The following TRPM8 variants were observed in gnomAD, a reference collection of about 807,000 sequenced individuals.
TRPM8 encodes the protein TRPM8 cationic channel.
In TRPM8, 110 loss-of-function variants were observed where a neutral mutation model predicts 133.7. The ratio of observed to expected loss-of-function variants is 0.82; its 90% CI spans 0.70 to 0.96. The LOEUF (loss-of-function observed/expected upper bound fraction) is 0.96. Ranked by LOEUF, TRPM8 falls within the 40% of genes least tolerant of loss-of-function variation. The pLI is 0.00. For missense variants in TRPM8, 1,291 were observed against 1,379.5 expected, an observed-to-expected ratio of 0.94 and a Z score of 1.02; for synonymous variants, 535 against 532.3, an observed-to-expected ratio of 1.01 and a Z score of -0.07.
At chr2:234,008,282 G>A (rs1692746066) in intron 24 of TRPM8, among the ~76,000 whole-genome samples, 179 bp downstream of exon 24, 1 of 152,202 alleles carries the variant, frequency 6.6e-6, no homozygotes, top group East Asian at 1.9e-4. Flanking sequence ...ATCTCCCAGG[G>A]AAGAGTCTTG....
intron 14 of TRPM8, among the ~76,000 whole-genome samples, chr2:233,965,152 G>T (rs1457686850): frequency 6.6e-6 from 1 of 151,918 alleles, no homozygotes; most frequent in African/African-American, 2.4e-5. Context: ...AGTTTCATAT[G>T]CACACACTGC....
chr2:233,997,500 A>G (rs2125355756), intron 22 of TRPM8, among the ~76,000 whole-genome samples: 2 of 152,186 alleles, frequency 1.3e-5, no homozygotes, highest in South Asian at 4.1e-4. Flanking sequence ...GGGGAGCTGA[A>G]AGCCTTTTCT....
At chr2:233,999,763 C>T (rs1453700195) in intron 22 of TRPM8, among the ~76,000 whole-genome samples, 6 of 152,214 alleles carry the variant, frequency 3.9e-5, no homozygotes, top group Non-Finnish European at 5.9e-5. Context: ...AGCAGTCCCA[C>T]GTTATCTTTG....
rs564860548 is a variant in TRPM8, at chr2:234,001,260, G to A, written c.3130+4744G>A. Among the ~76,000 whole-genome samples the A allele has an allele frequency of 2.0e-5, 3 of 152,284 alleles. No individual in the cohort carries two copies. In the South Asian group the frequency reaches 6.2e-4, roughly 32 times the overall value. ...GACCTGCTTCTGGGGAGAGGGGCAG[G>A]AAAAGTCAGATCAGAGAGACCTTCC... is the stretch of plus-strand genomic sequence containing the variant. On this transcript the variant is annotated intron_variant, in intron 22 of 25. Transcript: ENST00000324695.
At position 233,926,547 on chromosome 2, in the gene TRPM8, C is replaced by T. The variant is rs201572946; in HGVS notation, c.10C>T (p.Arg4Trp). Residue 4 changes from arginine to tryptophan, a missense_variant, in exon 2 of 26, where the codon CGG (arginine) becomes TGG (tryptophan). Arg to Trp is a moderately radical substitution (Grantham distance 101). Transcript: ENST00000324695. MSF[R>W]AARLSMRNRR... ...CATCGTCACAGAAAAGATGTCCTTT[C>T]GGGCAGCCAGGCTCAGCATGAGGAA... 10 of 1,613,920 alleles carry T rather than the reference C, an allele frequency of 6.2e-6. No individual in the cohort carries two copies. Among genetic ancestry groups the T allele is most frequent in the South Asian group, 1.1e-5 (1 of 91,070 alleles).
chr2:233,925,547 C>T (rs957197320), intron 1 of TRPM8, among the ~76,000 whole-genome samples: 1 of 151,986 alleles, frequency 6.6e-6, no homozygotes, highest in Non-Finnish European at 1.5e-5. Flanking sequence ...AAGCCAGGTC[C>T]AGAGAGAGAG....
intron 24 of TRPM8, among the ~76,000 whole-genome samples, chr2:234,009,446 A>G (rs930393501): frequency 2.6e-5 from 4 of 152,172 alleles, no homozygotes; most frequent in African/African-American, 9.7e-5. Flanking sequence ...GGGCAGCAAC[A>G]GTGGATGCAG....
intron 22 of TRPM8, among the ~76,000 whole-genome samples, chr2:234,004,941 C>T (rs1692656477): frequency 6.6e-6 from 1 of 152,176 alleles, no homozygotes; most frequent in African/African-American, 2.4e-5. Context: ...ACATGACAAT[C>T]TTCAATCGTG....
chr2:233,996,586 G>GTA lies in TRPM8; in HGVS notation c.3130+72_3130+73dup, dbSNP rs78461061. Reference sequence around the variant, plus strand: ...AATTTCAGGGAAGGATGCCTGGTGTGTATCTCAACAGGAAGGAATTATTCA... The same window carrying GTA: ...AATTTCAGGGAAGGATGCCTGGTGTGTATATCTCAACAGGAAGGAATTATTCA... On this transcript the variant is annotated intron_variant, in intron 22 of 25. Transcript: ENST00000324695. The GTA allele has an allele frequency of 1.5e-3, 2,046 of 1,367,410 alleles. 10 individuals are homozygous for GTA. The highest frequency in any genetic ancestry group is 1.6e-3 in the Non-Finnish European group (1,591 of 965,026). 84.7% of individuals were successfully genotyped at this position (1,367,410 alleles called of 1,614,324 possible). A position where few individuals can be genotyped will look rare whatever the true frequency, so the allele number is the denominator to read the frequency against.
intron 9 of TRPM8, among the ~76,000 whole-genome samples, chr2:233,951,519 C>T (rs17862928): frequency 4.6e-5 from 7 of 152,232 alleles, no homozygotes; most frequent in East Asian, 1.9e-4. Flanking sequence ...CCATGTCCAA[C>T]GAATAGAGGC....
chr2:234,011,872 G>A (rs567808435), intron 24 of TRPM8, among the ~76,000 whole-genome samples: 106 of 133,816 alleles, frequency 7.9e-4, no homozygotes, highest in African/African-American at 2.4e-3. Context: ...AACCGAGATC[G>A]CGCCACTGCA....
intron 7 of TRPM8, 81 bp downstream of exon 7, chr2:233,946,111 T>C (rs1691038204): frequency 7.5e-7 from 1 of 1,342,194 alleles, no homozygotes; most frequent in Non-Finnish European, 1.0e-6. Flanking sequence ...CTACCAACTA[T>C]TGAGTGATGC....
chr2:234,001,053 A>G (rs952520160), intron 22 of TRPM8, among the ~76,000 whole-genome samples: 2 of 152,240 alleles, frequency 1.3e-5, no homozygotes, highest in Non-Finnish European at 2.9e-5. Flanking sequence ...CAAACAGAGT[A>G]TGATCCCATG....
chr2:233,942,891 T>A (rs1276984221), intron 6 of TRPM8, 143 bp downstream of exon 6: 2 of 870,186 alleles, frequency 2.3e-6, no homozygotes, highest in East Asian at 5.0e-5. Context: ...CTTTGGGACC[T>A]TAAAGGAATT....
chr2:233,981,988 G>A (rs1052697729), intron 19 of TRPM8, 73 bp downstream of exon 19: 69 of 1,455,512 alleles, frequency 4.7e-5, no homozygotes, highest in Non-Finnish European at 5.9e-5. Flanking sequence ...TCGATAGGAG[G>A]ATTTTGTCCT....
intron 17 of TRPM8, among the ~76,000 whole-genome samples, chr2:233,975,473 C>T (rs1205677504): frequency 6.6e-6 from 1 of 152,210 alleles, no homozygotes; most frequent in Non-Finnish European, 1.5e-5. Context: ...CTACTTTTCA[C>T]CCCTCAGGCT....
At chr2:233,947,028 C>A in intron 7 of TRPM8, 60 bp from the exon 8 acceptor site, 4 of 1,520,874 alleles carry the variant, frequency 2.6e-6, no homozygotes, top group Non-Finnish European at 3.6e-6. Context: ...CAACTTTTCA[C>A]AGAGGTAGGT....
intron 17 of TRPM8, 163 bp from the exon 18 acceptor site, chr2:233,980,025 A>C: frequency 3.2e-6 from 2 of 624,400 alleles, no homozygotes; most frequent in Non-Finnish European, 5.6e-6. Context: ...CTCCTGGATT[A>C]GCGTGGGGCA....
In TRPM8 at chr2:233,966,822, A is replaced by G. The variant is rs1691589152; in HGVS notation, c.2025+67A>G. The G allele has an allele frequency of 2.1e-6, 3 of 1,437,288 alleles. No homozygotes were observed. In the Admixed American group the frequency reaches 8.6e-5, roughly 41 times the overall value. The allele number at this position is 1,437,288 out of a possible 1,614,324, so 89.0% of individuals were successfully genotyped here. ...GGCTTTTATGTCAGATGCTACTAGC[A>G]GCATTAAACAATAGTAAAAACAAAC... On this transcript the variant is annotated intron_variant, in intron 15 of 25. Transcript: ENST00000324695.
Sources: gnomAD v4.1 joint callset for allele counts (sites outside exome capture counted in the v4.1 genomes callset) on GRCh38, gnomAD v4.1.1 for gene constraint, MANE v1.5 for transcripts, NCBI Gene and HGNC (gene_info 2026-07-23, HGNC 2026-07-21) for gene names.